CUL4A: variants seen among roughly 807,000 people sequenced by gnomAD.
CUL4A encodes cullin 4A, also known as cullin-4A.
Under a neutral mutation model 95.5 loss-of-function variants are expected in CUL4A, and 16 were observed. That is an observed-to-expected ratio of 0.17 (90% CI 0.11 to 0.25). The LOEUF is 0.25. CUL4A is among the 10% of genes least tolerant of loss of function. The pLI is 1.00. For synonymous variants in CUL4A, 380 were observed against 353.1 expected (o/e 1.08, Z -0.85); for missense variants, 610 against 937.0 (o/e 0.65, Z 4.56).
At chr13:113,248,676 G>A (rs868678725) in intron 15 of CUL4A, among the ~76,000 whole-genome samples, 2 of 152,060 alleles carry the variant, frequency 1.3e-5, no homozygotes, top group Non-Finnish European at 2.9e-5. Context: ...ACTCAAGTCC[G>A]TTATTTTATA....
chr13:113,217,058 G>A (rs1025767899), intron 2 of CUL4A, among the ~76,000 whole-genome samples: 2 of 152,210 alleles, frequency 1.3e-5, no homozygotes, highest in Non-Finnish European at 2.9e-5. Flanking sequence ...CCACAACCAG[G>A]AAAAGATGGT....
In CUL4A at chr13:113,235,148, A is replaced by G. The variant is rs768473073; in HGVS notation, c.848+3A>G. On this transcript the variant is annotated splice_donor_region_variant and intron_variant, in intron 8 of 19. Transcript: ENST00000375440. Reference sequence around the variant, plus strand: ...ACTTACTTGGACCACAGCACACAGTAAGTACCGTTTGCTCGCTGAGCGTTC... The same window carrying G: ...ACTTACTTGGACCACAGCACACAGTGAGTACCGTTTGCTCGCTGAGCGTTC... 6.2e-7 allele frequency: 1 copy of G among 1,607,096 alleles called. No individual in the cohort carries two copies. Among genetic ancestry groups the G allele is most frequent in the Non-Finnish European group, 8.5e-7 (1 of 1,174,332 alleles).
chr13:113,228,623 G>A (rs758617077), intron 4 of CUL4A, among the ~76,000 whole-genome samples: 2 of 151,900 alleles, frequency 1.3e-5, no homozygotes, highest in South Asian at 2.1e-4. Context: ...GGTGAGATGC[G>A]TTCACAAGTC....
At chr13:113,226,651 A>G (rs1002050664) in intron 3 of CUL4A, among the ~76,000 whole-genome samples, 2 of 151,998 alleles carry the variant, frequency 1.3e-5, no homozygotes, top group African/African-American at 4.8e-5. Context: ...GAGTGTTCCT[A>G]ATTTGGTGCA....
intron 3 of CUL4A, among the ~76,000 whole-genome samples, chr13:113,226,702 T>C (rs369742501): frequency 6.7e-4 from 102 of 152,250 alleles, no homozygotes; most frequent in African/African-American, 2.4e-3. Context: ...GGCTGGAAGT[T>C]AAACCTGAGC....
chr13:113,253,916 T>A (rs1595424814), intron 16 of CUL4A, among the ~76,000 whole-genome samples: 1 of 152,272 alleles, frequency 6.6e-6, no homozygotes, highest in Non-Finnish European at 1.5e-5. Flanking sequence ...ATCTGTACAT[T>A]ATCAAATAAG....
At chr13:113,242,806 A>G (rs571138296) in intron 10 of CUL4A, among the ~76,000 whole-genome samples, 162 bp from the exon 11 acceptor site, 1 of 152,366 alleles carries the variant, frequency 6.6e-6, no homozygotes, top group East Asian at 1.9e-4. Context: ...GTATTCACTT[A>G]ATTTTTGAAA....
intron 17 of CUL4A, 62 bp downstream of exon 17, chr13:113,254,860 G>C: frequency 6.3e-7 from 1 of 1,594,622 alleles, no homozygotes; most frequent in South Asian, 1.1e-5. Context: ...TTTGTTTTAA[G>C]ATAAGACATA....
At chr13:113,215,191 CTATGGAGGTCTGTGTGGGAG>C (rs67096412) in intron 2 of CUL4A, among the ~76,000 whole-genome samples, 30,862 of 142,364 alleles carry the variant, frequency 0.22, 3,777 homozygotes, top group South Asian at 0.43. Context: ...GTCCGTGTGG[CTATGGAGGTCTGTGTGGGAG>C]TATGGAGGTC....
At position 113,209,669 on chromosome 13, in the gene CUL4A, C is replaced by G. The variant is rs1650833755; in HGVS notation, c.42C>G (p.Leu14=). The G allele has an allele frequency of 2.6e-6, 3 of 1,137,664 alleles. No homozygotes were observed. The highest frequency in any genetic ancestry group is 1.7e-5 in the African/African-American group (1 of 60,516). The allele number at this position is 1,137,664 out of a possible 1,614,324, so 70.5% of individuals were successfully genotyped here. Residue 14 remains leucine, a synonymous_variant, in exon 1 of 20, where the codon CTC becomes CTG. Coordinates refer to ENST00000375440, the MANE Select transcript of CUL4A (RefSeq NM_001008895.4). ...CGCGGAAGGGCAGCTTCTCGGCGCT[C>G]GTGGGCCGCACCAACGGCCTCACCA... ...EAPRKGSFSA[L]VGRTNGLTKP...
chr13:113,232,126 T>C lies in CUL4A; in HGVS notation c.513-1051T>C, dbSNP rs1396650654. Among the ~76,000 whole-genome samples, 75 of 128,102 alleles carry C rather than the reference T, an allele frequency of 5.9e-4. 4 individuals are homozygous for C. The highest frequency in any genetic ancestry group is 2.8e-3 in the African/African-American group (68 of 24,358). 84.0% of individuals were successfully genotyped at this position (128,102 alleles called of 152,430 possible). On this transcript the variant is annotated intron_variant, in intron 5 of 19. Transcript: ENST00000375440. ...CACTACCCGCCCACCACCATTACTG[T>C]CACCACTACCCGCCCACCACCATTA...
chr13:113,260,789 G>A lies in CUL4A; in HGVS notation c.2184+30G>A, dbSNP rs777869780. 3.4e-6 allele frequency: 5 copies of A among 1,478,434 alleles called. No homozygotes were observed. The Admixed American group carries it at 8.1e-5, about 24-fold the overall frequency. The allele number at this position is 1,478,434 out of a possible 1,614,324, so 91.6% of individuals were successfully genotyped here. ...ATGTAACATTAGCATAATTAAATTT[G>A]TAGTATTTGCTAAACAATTGACAAA... On this transcript the variant is annotated intron_variant, in intron 19 of 19. Transcript: ENST00000375440.
At chr13:113,259,142 T>C (rs1353726190) in intron 18 of CUL4A, among the ~76,000 whole-genome samples, 2 of 152,254 alleles carry the variant, frequency 1.3e-5, no homozygotes, top group Admixed American at 6.5e-5. Context: ...TTTCTTGGAT[T>C]TTCCAGCTCA....
chr13:113,232,046 T>C (rs922053977), intron 5 of CUL4A, among the ~76,000 whole-genome samples: 8 of 122,646 alleles, frequency 6.5e-5, no homozygotes, highest in Middle Eastern at 4.4e-3. Context: ...CTGCCACCAC[T>C]ACCCGCCCAC....
chr13:113,242,841 T>C (rs1190165748), intron 10 of CUL4A, 127 bp from the exon 11 acceptor site: 26 of 701,766 alleles, frequency 3.7e-5, no homozygotes, highest in Middle Eastern at 3.1e-4. Context: ...GTGAAACTTT[T>C]AAAGTTATTG....
Position 113,236,905 on chromosome 13 carries a change from T to C in CUL4A, c.916+15T>C. The C allele has an allele frequency of 6.3e-7, 1 of 1,583,712 alleles. No homozygotes were observed. The highest frequency in any genetic ancestry group is 8.7e-7 in the Non-Finnish European group (1 of 1,155,326). On this transcript the variant is annotated intron_variant, in intron 9 of 19. Coordinates refer to ENST00000375440, the MANE Select transcript of CUL4A (RefSeq NM_001008895.4). ...TCTGCAGAAAGGTAGATTTCCTAACTCTTGTGCAAATTAAACTGAACAATT... is the reference window on the plus strand; with the variant it reads ...TCTGCAGAAAGGTAGATTTCCTAACCCTTGTGCAAATTAAACTGAACAATT...
rs2041821447 is a variant in CUL4A at position 113,245,062 on chromosome 13, A to G, written c.1444+3A>G. The G allele has an allele frequency of 1.9e-6, 3 of 1,612,986 alleles. No homozygotes were observed. The highest frequency in any genetic ancestry group is 1.3e-5 in the African/African-American group (1 of 74,890). On this transcript the variant is annotated splice_donor_region_variant and intron_variant, in intron 13 of 19. Transcript: ENST00000375440. ...TATGTTGTCAAAGCTCAAGCATGGT[A>G]AGTATGTGGGGCCTGGGCTCCTCCC... is the stretch of plus-strand genomic sequence containing the variant.
intron 19 of CUL4A, chr13:113,263,090 G>A (rs566773276): frequency 4.6e-5 from 6 of 129,166 alleles, no homozygotes; most frequent in African/African-American, 1.9e-4. Context: ...GCTTATACGT[G>A]CCCTTGCTGA....
chr13:113,248,675 C>T (rs115795351), intron 15 of CUL4A, among the ~76,000 whole-genome samples: 50 of 152,196 alleles, frequency 3.3e-4, no homozygotes, highest in African/African-American at 1.1e-3. Context: ...CACTCAAGTC[C>T]GTTATTTTAT....
Sources: allele counts gnomAD v4.1 joint callset (sites outside exome capture counted in the v4.1 genomes callset), GRCh38; gene constraint gnomAD v4.1.1; transcripts MANE v1.5; gene names NCBI Gene and HGNC (gene_info 2026-07-23, HGNC 2026-07-21).